Variants in SLC35F1 observed in about 807,000 individuals in gnomAD.
The protein encoded by SLC35F1 is solute carrier family 35 member F1.
SLC35F1 carries 14 observed loss-of-function variants against 48.7 expected under a neutral mutation model. That is an observed-to-expected ratio of 0.29 (90% confidence interval 0.19 to 0.45). SLC35F1 has a LOEUF of 0.45. Among genes scored for constraint, SLC35F1 ranks in the 20% least tolerant of loss-of-function variants. The pLI is 1.00. For missense variants in SLC35F1, 404 were observed against 500.0 expected, an observed-to-expected ratio of 0.81 and a Z score of 1.83; for synonymous variants, 190 against 202.2, an observed-to-expected ratio of 0.94 and a Z score of 0.51.
chr6:118,115,470 T>G (rs1773465230), intron 1 of SLC35F1, among the ~76,000 whole-genome samples: 1 of 152,218 alleles, frequency 6.6e-6, no homozygotes, highest in Non-Finnish European at 1.5e-5. Flanking sequence ...ATGTGTTTTC[T>G]TAGTATTTTA....
intron 1 of SLC35F1, among the ~76,000 whole-genome samples, chr6:118,096,388 A>C (rs56281443): frequency 0.34 from 51,882 of 152,086 alleles, 9,426 homozygotes; most frequent in Middle Eastern, 0.47. Flanking sequence ...ACTTGTGAAA[A>C]AAATTTTCGT....
intron 1 of SLC35F1, among the ~76,000 whole-genome samples, chr6:117,974,866 A>T (rs183829686): frequency 6.6e-6 from 1 of 152,242 alleles, no homozygotes; most frequent in African/African-American, 2.4e-5. Flanking sequence ...TTAATGTCTG[A>T]CTTAATAGAA....
chr6:118,115,370 G>C (rs1333676970), intron 1 of SLC35F1, among the ~76,000 whole-genome samples: 2 of 152,182 alleles, frequency 1.3e-5, no homozygotes, highest in African/African-American at 4.8e-5. Context: ...AACAATACCA[G>C]CAAGGAGAAA....
chr6:118,219,600 G>A (rs1775119356), intron 2 of SLC35F1, among the ~76,000 whole-genome samples: 1 of 152,088 alleles, frequency 6.6e-6, no homozygotes, highest in Non-Finnish European at 1.5e-5. Context: ...AAGACAGTGT[G>A]GCAATTCCTC....
chr6:118,126,371 T>G (rs1185277811), intron 1 of SLC35F1, among the ~76,000 whole-genome samples: 2 of 152,354 alleles, frequency 1.3e-5, no homozygotes, highest in Non-Finnish European at 1.5e-5. Context: ...CCATGCTGTT[T>G]TGCTTACTGT....
chr6:118,001,173 G>A (rs1042886083), intron 1 of SLC35F1, among the ~76,000 whole-genome samples: 9 of 152,190 alleles, frequency 5.9e-5, no homozygotes, highest in Non-Finnish European at 1.3e-4. Context: ...CAAAGCTGGA[G>A]GCATCACACT....
At chr6:118,217,775 T>C (rs1161528846) in intron 2 of SLC35F1, among the ~76,000 whole-genome samples, 1 of 152,226 alleles carries the variant, frequency 6.6e-6, no homozygotes, top group Non-Finnish European at 1.5e-5. Flanking sequence ...AATATAAAAG[T>C]GTCATTGCAA....
chr6:118,304,756 A>G (rs1361314964), intron 7 of SLC35F1, among the ~76,000 whole-genome samples: 1 of 152,006 alleles, frequency 6.6e-6, no homozygotes, highest in South Asian at 2.1e-4. Flanking sequence ...ATGATTTCAT[A>G]TAGCAGGTGC....
At chr6:118,242,338 T>A (rs1189501345) in intron 3 of SLC35F1, among the ~76,000 whole-genome samples, 1 of 151,560 alleles carries the variant, frequency 6.6e-6, no homozygotes, top group African/African-American at 2.4e-5. Context: ...TGAATATCTT[T>A]TGAGAGAAAT....
In SLC35F1 at chr6:118,203,545, G is replaced by T. The variant is rs1487863963; in HGVS notation, c.350-31964G>T. ...CTTAATCTAACTATCTCCCTCTGAG[G>T]GCTCTTTTTGCAGTGGAAAAGCATC... is the stretch of plus-strand genomic sequence containing the variant. On this transcript the variant is annotated intron_variant, in intron 2 of 7. Coordinates refer to ENST00000360388, the MANE Select transcript of SLC35F1 (RefSeq NM_001029858.4). Among the ~76,000 whole-genome samples the T allele has an allele frequency of 3.9e-5, 6 of 152,146 alleles. No individual in the cohort carries two copies. The East Asian group carries it at 1.2e-3, about 29-fold the overall frequency.
At chr6:118,050,737 G>A (rs993066959) in intron 1 of SLC35F1, among the ~76,000 whole-genome samples, 2 of 152,136 alleles carry the variant, frequency 1.3e-5, no homozygotes, top group African/African-American at 4.8e-5. Flanking sequence ...GACCAGGCAG[G>A]CCAGGTTTTG....
Position 118,300,492 on chromosome 6 carries a change from C to G in SLC35F1, c.1003-13536C>G, listed in dbSNP as rs565799587. On this transcript the variant is annotated intron_variant, in intron 7 of 7. Coordinates refer to ENST00000360388, the MANE Select transcript of SLC35F1 (RefSeq NM_001029858.4). ...CTATATGAACATTTGTTACTTTTAC[C>G]CATTTTTATAATCACAAAACAATAA... Among the ~76,000 whole-genome samples the G allele has an allele frequency of 8.5e-5, 13 of 152,108 alleles. No individual in the cohort carries two copies. The South Asian group carries it at 2.5e-3, about 29-fold the overall frequency.
intron 2 of SLC35F1, among the ~76,000 whole-genome samples, chr6:118,226,886 A>T (rs979151334): frequency 6.6e-6 from 1 of 152,248 alleles, no homozygotes; most frequent in Non-Finnish European, 1.5e-5. Context: ...AATATTTAAA[A>T]TGATGGTTAT....
chr6:118,202,356 G>C (rs1056229699), intron 2 of SLC35F1, among the ~76,000 whole-genome samples: 1 of 152,078 alleles, frequency 6.6e-6, no homozygotes, highest in Non-Finnish European at 1.5e-5. Flanking sequence ...AATTAGCTAG[G>C]CATGGTGGCA....
At chr6:118,295,350 A>G (rs1165228785) in intron 7 of SLC35F1, among the ~76,000 whole-genome samples, 1 of 152,218 alleles carries the variant, frequency 6.6e-6, no homozygotes, top group African/African-American at 2.4e-5. Flanking sequence ...AAGATGACAG[A>G]AACACCAAAA....
intron 1 of SLC35F1, among the ~76,000 whole-genome samples, chr6:118,052,985 G>T (rs1772412399): frequency 6.6e-6 from 1 of 151,944 alleles, no homozygotes; most frequent in South Asian, 2.1e-4. Context: ...TATCAGTGGT[G>T]CACAAGAGTG....
chr6:118,149,555 G>A (rs1163347313), intron 1 of SLC35F1, among the ~76,000 whole-genome samples: 1 of 152,164 alleles, frequency 6.6e-6, no homozygotes, highest in African/African-American at 2.4e-5. Flanking sequence ...GCTCAGATGT[G>A]CAGGCTGCAA....
At chr6:118,117,987 G>C (rs1427192727) in intron 1 of SLC35F1, among the ~76,000 whole-genome samples, 1 of 152,134 alleles carries the variant, frequency 6.6e-6, no homozygotes, top group African/African-American at 2.4e-5. Context: ...ACCTATTGAG[G>C]AAGATTCAAT....
At chr6:117,977,228 T>G (rs12664862) in intron 1 of SLC35F1, among the ~76,000 whole-genome samples, 60,264 of 149,496 alleles carry the variant, frequency 0.4, 12,516 homozygotes, top group South Asian at 0.53. Flanking sequence ...ACGGAGTCTC[T>G]CTCCCTCACC....
Sources: allele counts gnomAD v4.1 joint callset (sites outside exome capture counted in the v4.1 genomes callset), GRCh38; gene constraint gnomAD v4.1.1; transcripts MANE v1.5; gene names NCBI Gene and HGNC (gene_info 2026-07-23, HGNC 2026-07-21).